Variants in BACH2 observed in about 807,000 individuals in gnomAD.
The protein encoded by BACH2 is BACH transcriptional regulator 2, also known as transcription regulator protein BACH2.
BACH2 carries 5 observed loss-of-function variants against 61.8 expected under a neutral mutation model. That is an observed-to-expected ratio of 0.08 (90% CI 0.04 to 0.17). BACH2 has a LOEUF of 0.17. Ranked by LOEUF, BACH2 falls within the 10% of genes least tolerant of loss-of-function variation. The pLI is 1.00. For synonymous variants in BACH2, 446 were observed against 440.1 expected (o/e 1.01, Z -0.17); for missense variants, 824 against 1,091.1 (o/e 0.76, Z 3.45).
intron 5 of BACH2, among the ~76,000 whole-genome samples, chr6:90,010,446 A>G (rs552158154): frequency 1.3e-5 from 2 of 152,340 alleles, no homozygotes; most frequent in East Asian, 1.9e-4. Context: ...TTCCTTTATT[A>G]CTTAGCATCC....
intron 5 of BACH2, among the ~76,000 whole-genome samples, chr6:90,010,401 A>C (rs1481969301): frequency 6.6e-6 from 1 of 152,228 alleles, no homozygotes; most frequent in Non-Finnish European, 1.5e-5. Context: ...TAATTATTTC[A>C]CCATTCATCC....
chr6:90,136,758 C>G (rs994925795), intron 4 of BACH2, among the ~76,000 whole-genome samples: 3 of 150,964 alleles, frequency 2.0e-5, no homozygotes, highest in African/African-American at 7.3e-5. Context: ...ACAGGAGCAG[C>G]AAAAAGCAGT....
chr6:90,045,517 T>C (rs553518506), intron 5 of BACH2, among the ~76,000 whole-genome samples: 1 of 151,708 alleles, frequency 6.6e-6, no homozygotes, highest in African/African-American at 2.4e-5. Flanking sequence ...GTCATCTCTA[T>C]TGAAGAAACA....
chr6:90,106,167 C>G (rs917729826), intron 4 of BACH2, among the ~76,000 whole-genome samples: 8 of 152,284 alleles, frequency 5.3e-5, no homozygotes, highest in South Asian at 4.1e-4. Flanking sequence ...GATATTTATT[C>G]CATAAAATTA....
chr6:89,938,052 C>T (rs1221183506), intron 8 of BACH2, 92 bp downstream of exon 8: 2 of 1,230,338 alleles, frequency 1.6e-6, no homozygotes, highest in East Asian at 2.4e-5. Flanking sequence ...AAAGGGTGAC[C>T]CTTCTGTCTA....
At chr6:90,099,389 A>ATTT (rs3072648) in intron 4 of BACH2, among the ~76,000 whole-genome samples, 6 of 151,644 alleles carry the variant, frequency 4.0e-5, no homozygotes, top group African/African-American at 1.2e-4. Flanking sequence ...CTTTTGTTTT[A>ATTT]TTTTTTTTAG....
rs984229165 is a variant in BACH2, at chr6:89,930,285, C to T, written c.*2123G>A. ...ACTGCATGAACTGACAAATTTCTGG[C>T]ATTCATACATATTTAAACATTTAGT... On this transcript the variant is annotated 3_prime_UTR_variant, in exon 9 of 9. Coordinates refer to ENST00000257749, the MANE Select transcript of BACH2 (RefSeq NM_021813.4). 10 of 122,410 alleles carry T rather than the reference C, an allele frequency of 8.2e-5. No homozygotes were observed. The highest frequency in any genetic ancestry group is 2.8e-4 in the African/African-American group (9 of 31,862). The allele number at this position is 122,410 out of a possible 1,614,324, so 7.6% of individuals were successfully genotyped here. A position where few individuals can be genotyped will look rare whatever the true frequency, so the allele number is the denominator to read the frequency against.
rs1772508305 is a variant in BACH2 at position 89,929,213 on chromosome 6, A to G, written c.*3195T>C. 1 of 152,320 alleles carries G rather than the reference A, an allele frequency of 6.6e-6. No individual in the cohort carries two copies. Among genetic ancestry groups the G allele is most frequent in the Admixed American group, 6.5e-5 (1 of 15,286 alleles). 9.4% of individuals were successfully genotyped at this position (152,320 alleles called of 1,614,324 possible). ...TTGGAGGGTCTCTTATTTTTGTAAG[A>G]AAAGAGCCTTAAGAACAACCAAATG... On this transcript the variant is annotated 3_prime_UTR_variant, in exon 9 of 9. Transcript: ENST00000257749.
At chr6:90,222,833 A>C (rs1582503964) in intron 3 of BACH2, among the ~76,000 whole-genome samples, 1 of 151,386 alleles carries the variant, frequency 6.6e-6, no homozygotes, top group East Asian at 1.9e-4. Context: ...TCCTTAGTCA[A>C]CTGCTCTGTC....
chr6:90,183,741 G>T (rs865988365), intron 4 of BACH2, among the ~76,000 whole-genome samples: 9 of 152,166 alleles, frequency 5.9e-5, no homozygotes, highest in Middle Eastern at 3.2e-3. Context: ...GGTAATCAAG[G>T]ATGTTTGACT....
intron 2 of BACH2, among the ~76,000 whole-genome samples, chr6:90,267,284 A>C (rs1470184822): frequency 6.6e-6 from 1 of 152,198 alleles, no homozygotes; most frequent in Non-Finnish European, 1.5e-5. Flanking sequence ...CCCCAAATTG[A>C]ATAGAAAGAT....
At chr6:90,021,299 T>TAAAAAAA (rs200724602) in intron 5 of BACH2, among the ~76,000 whole-genome samples, 1 of 100,234 alleles carries the variant, frequency 1.0e-5, no homozygotes, top group Non-Finnish European at 2.3e-5. Context: ...AGCAAAAAAG[T>TAAAAAAA]AAAAAAAAAA....
intron 1 of BACH2, among the ~76,000 whole-genome samples, chr6:90,288,217 A>G (rs1430305095): frequency 6.6e-6 from 1 of 152,060 alleles, no homozygotes; most frequent in Non-Finnish European, 1.5e-5. Context: ...CCACATAGAT[A>G]TTCTACAAAT....
At chr6:90,247,324 C>T (rs1280030640) in intron 3 of BACH2, among the ~76,000 whole-genome samples, 1 of 150,872 alleles carries the variant, frequency 6.6e-6, no homozygotes, top group Middle Eastern at 3.4e-3. Flanking sequence ...CAATCTCTAA[C>T]TCCTGGGCTC....
chr6:90,104,513 C>T (rs1201793531), intron 4 of BACH2: 1 of 152,304 alleles, frequency 6.6e-6, no homozygotes, highest in Non-Finnish European at 1.5e-5. Flanking sequence ...ACAGACAGCA[C>T]AGCCCCTAGA....
chr6:90,004,975 GT>G (rs142667471), intron 6 of BACH2, among the ~76,000 whole-genome samples: 5 of 151,268 alleles, frequency 3.3e-5, no homozygotes, highest in African/African-American at 4.9e-5. Context: ...ATTGCCATTT[GT>G]TTTTTTTTAA....
chr6:90,023,740 T>C (rs1778498960), intron 5 of BACH2, among the ~76,000 whole-genome samples: 1 of 152,178 alleles, frequency 6.6e-6, no homozygotes, highest in Non-Finnish European at 1.5e-5. Flanking sequence ...AATGTCCTTA[T>C]AAGAGAACCC....
intron 1 of BACH2, among the ~76,000 whole-genome samples, chr6:90,296,024 G>A (rs6908626): frequency 6.6e-6 from 1 of 152,006 alleles, no homozygotes; most frequent in African/African-American, 2.4e-5. Flanking sequence ...AGCTGGGATC[G>A]CAGGCTGGGG....
intron 4 of BACH2, among the ~76,000 whole-genome samples, chr6:90,166,893 C>T (rs1767640477): frequency 7.3e-6 from 1 of 136,634 alleles, no homozygotes; most frequent in South Asian, 2.3e-4. Flanking sequence ...ACATCACACA[C>T]CAGGGCCTGT....
Sources: gnomAD v4.1 joint callset for allele counts (sites outside exome capture counted in the v4.1 genomes callset) on GRCh38, gnomAD v4.1.1 for gene constraint, MANE v1.5 for transcripts, NCBI Gene and HGNC (gene_info 2026-07-23, HGNC 2026-07-21) for gene names.